Variants in NRG2 observed in about 807,000 individuals in gnomAD.
NRG2 encodes neuregulin 2.
NRG2 carries 27 observed loss-of-function variants against 73.9 expected under a neutral mutation model. That is an observed-to-expected ratio of 0.37 (90% CI 0.27 to 0.50). The LOEUF (loss-of-function observed/expected upper bound fraction) is 0.50, where lower values mean the gene tolerates loss of function less well. Among genes scored for constraint, NRG2 ranks in the 20% least tolerant of loss-of-function variants. The probability of loss-of-function intolerance (pLI) is 0.96; values close to 1 mark genes in which losing one functional copy is unlikely to be tolerated. For synonymous variants in NRG2, 532 were observed against 541.0 expected (o/e 0.98, Z 0.23); for missense variants, 1,126 against 1,210.1 (o/e 0.93, Z 1.03).
chr5:140,042,611 G>A lies in NRG2; in HGVS notation c.459C>T (p.Pro153=). 6.2e-7 allele frequency: 1 copy of A among 1,610,648 alleles called. No homozygotes were observed. Among genetic ancestry groups the A allele is most frequent in the Non-Finnish European group, 8.5e-7 (1 of 1,179,122 alleles). ...TTACCAACGCCACCCGACCCGAGGC[G>A]GGCGGCTCTCGGGTGCTGTTGGAGC... The part of the protein sequence containing the change: ...GSSSNSTREP[P]ASGRVALVKV... Residue 153 remains proline (P), a synonymous_variant, in exon 1 of 10, where the codon CCC becomes CCT. Transcript: ENST00000361474.
In NRG2 at chr5:139,848,708, A is replaced by G; in HGVS notation, c.1773-11T>C. Reference sequence around the variant, plus strand: ...AGGGCCGACACGTACCTGCGGGGAGAGGCAGAGGCATGGGCCAGGGCCAGG... The same window carrying G: ...AGGGCCGACACGTACCTGCGGGGAGGGGCAGAGGCATGGGCCAGGGCCAGG... On this transcript the variant is annotated splice_polypyrimidine_tract_variant and intron_variant, in intron 9 of 9. Coordinates refer to ENST00000361474, the MANE Select transcript of NRG2 (RefSeq NM_004883.3). 1 of 1,265,168 alleles carries G rather than the reference A, an allele frequency of 7.9e-7. No homozygotes were observed. Among genetic ancestry groups the G allele is most frequent in the Non-Finnish European group, 1.0e-6 (1 of 988,500 alleles). The allele number at this position is 1,265,168 out of a possible 1,614,324, so 78.4% of individuals were successfully genotyped here. A position where few individuals can be genotyped will look rare whatever the true frequency, so the allele number is the denominator to read the frequency against.
intron 1 of NRG2, among the ~76,000 whole-genome samples, chr5:139,921,337 T>C (rs1469942973): frequency 6.6e-6 from 1 of 152,220 alleles, no homozygotes; most frequent in East Asian, 1.9e-4. Context: ...CTGCCTGACT[T>C]TGAGGCTTTC....
chr5:139,886,759 T>A (rs917486668), intron 2 of NRG2, among the ~76,000 whole-genome samples: 8 of 152,212 alleles, frequency 5.3e-5, no homozygotes, highest in African/African-American at 1.9e-4. Flanking sequence ...AGGGAACTTC[T>A]CTGATTCACT....
intron 1 of NRG2, among the ~76,000 whole-genome samples, chr5:139,945,113 G>A (rs1753711987): frequency 1.3e-5 from 2 of 151,788 alleles, no homozygotes; most frequent in Admixed American, 6.6e-5. Flanking sequence ...ATGTTTTCCT[G>A]CTGTTGAGGT....
intron 1 of NRG2, among the ~76,000 whole-genome samples, chr5:139,952,901 G>A (rs563093145): frequency 6.6e-6 from 1 of 152,318 alleles, no homozygotes; most frequent in Non-Finnish European, 1.5e-5. Context: ...CCAGATGTGC[G>A]CCGGCCAGAT....
chr5:139,886,753 A>G (rs992876222), intron 2 of NRG2, among the ~76,000 whole-genome samples: 3 of 152,184 alleles, frequency 2.0e-5, no homozygotes, highest in Non-Finnish European at 4.4e-5. Flanking sequence ...AGACTCAGGG[A>G]ACTTCTCTGA....
intron 5 of NRG2, among the ~76,000 whole-genome samples, chr5:139,862,239 C>T (rs1205916271): frequency 6.6e-6 from 1 of 152,178 alleles, no homozygotes; most frequent in African/African-American, 2.4e-5. Context: ...TTCTAGGGCT[C>T]CTAACTGGCC....
rs568293018 is a variant in NRG2 at position 139,980,211 on chromosome 5, G to A, written c.700+62159C>T. Among the ~76,000 whole-genome samples, 4 of 152,274 alleles carry A rather than the reference G, an allele frequency of 2.6e-5. No individual in the cohort carries two copies. The East Asian group carries it at 7.7e-4, about 29-fold the overall frequency. ...AACAGCTCAGCAGTCCTGGGGGCCAGGGACACACAGGTGAGGCAGCCCAGC... is the reference window on the plus strand; with the variant it reads ...AACAGCTCAGCAGTCCTGGGGGCCAAGGACACACAGGTGAGGCAGCCCAGC... On this transcript the variant is annotated intron_variant, in intron 1 of 9. Transcript: ENST00000361474.
intron 1 of NRG2, among the ~76,000 whole-genome samples, chr5:139,925,631 G>C (rs142935540): frequency 2.0e-5 from 3 of 152,298 alleles, no homozygotes; most frequent in Non-Finnish European, 1.5e-5. Context: ...TAGCCCCCAG[G>C]AGTAAAACAG....
rs748855787 is a variant in NRG2 at position 139,880,931 on chromosome 5, C to T, written c.916G>A (p.Ala306Thr). The T allele has an allele frequency of 1.3e-5, 21 of 1,614,180 alleles. No homozygotes were observed. Among genetic ancestry groups the T allele is most frequent in the East Asian group, 4.5e-5 (2 of 44,880 alleles). ...LQFNKVKVEDAGEYVCEAENI... is the reference protein window; with the variant it reads ...LQFNKVKVEDTGEYVCEAENI... ...TCGGCCTCGCAGACATACTCCCCAG[C>T]GTCCTCCACCTTCACCTTGTTGAAC... The change falls in exon 3 of 10, where the codon GCT (alanine) becomes ACT (threonine). Residue 306 changes from alanine to threonine, a missense_variant. Physicochemically the swap from Ala to Thr is moderately conservative, Grantham distance 58 (BLOSUM62 0). Coordinates refer to ENST00000361474, the MANE Select transcript of NRG2 (RefSeq NM_004883.3).
At chr5:139,922,831 T>C (rs1561682089) in intron 1 of NRG2, among the ~76,000 whole-genome samples, 1 of 152,288 alleles carries the variant, frequency 6.6e-6, no homozygotes, top group Middle Eastern at 3.4e-3. Context: ...TGTATATTAC[T>C]AAGTGAAGGA....
chr5:139,892,712 T>C (rs1032399204), intron 1 of NRG2, among the ~76,000 whole-genome samples: 1 of 152,140 alleles, frequency 6.6e-6, no homozygotes, highest in Non-Finnish European at 1.5e-5. Context: ...GGAACAGGCT[T>C]CCTGGGATGC....
rs1442726660 is a variant in NRG2, at chr5:139,887,447, C to T, written c.765G>A (p.Leu255=). 6.2e-7 allele frequency: 1 copy of T among 1,614,234 alleles called. No homozygotes were observed. Among genetic ancestry groups the T allele is most frequent in the Admixed American group, 1.7e-5 (1 of 60,028 alleles). ...QTGQVGEKQS[L]KCEAAAGNPQ... ...GATTACCGGCTGCTGCCTCACACTT[C>T]AGCGATTGCTTCTCACCCACCTGTC... The change falls in exon 2 of 10, where the codon CTG becomes CTA. Residue 255 remains leucine (L), a synonymous_variant. Coordinates refer to ENST00000361474, the MANE Select transcript of NRG2 (RefSeq NM_004883.3). The surrounding 1 kb of genome is among the most constrained non-coding windows in gnomAD (Gnocchi z 4.5).
At chr5:139,864,985 T>C (rs1463698110) in intron 5 of NRG2, 4 of 816,156 alleles carry the variant, frequency 4.9e-6, no homozygotes, top group Non-Finnish European at 8.6e-6. Flanking sequence ...CGGGGGTGTT[T>C]CCGTCTCCTC....
intron 1 of NRG2, among the ~76,000 whole-genome samples, chr5:140,005,664 G>A (rs1378971826): frequency 1.3e-5 from 2 of 152,224 alleles, no homozygotes; most frequent in East Asian, 3.8e-4. Flanking sequence ...ACTGCATGGA[G>A]CCAATACCTC....
At chr5:139,923,761 G>A (rs1438673348) in intron 1 of NRG2, among the ~76,000 whole-genome samples, 1 of 152,102 alleles carries the variant, frequency 6.6e-6, no homozygotes, top group Admixed American at 6.5e-5. Flanking sequence ...ACAAATGAGA[G>A]ATGAAGAAAA....
chr5:139,993,178 G>C (rs1757766873), intron 1 of NRG2, among the ~76,000 whole-genome samples: 1 of 152,008 alleles, frequency 6.6e-6, no homozygotes, highest in African/African-American at 2.4e-5. Context: ...CCTTTAGGGA[G>C]AACAGTCCTC....
At position 139,848,370 on chromosome 5, in the gene NRG2, C is replaced by G. The variant is rs1761157311; in HGVS notation, c.2100G>C (p.Leu700=). Reference sequence around the variant, plus strand: ...CGGGGATGCGGAAGGGGCTGGCAGGCAGGCTGCCCAGGCTGCCGCCGAGCG... The same window carrying G: ...CGGGGATGCGGAAGGGGCTGGCAGGGAGGCTGCCCAGGCTGCCGCCGAGCG... The part of the protein sequence containing the change: ...TCALGGSLGS[L]PASPFRIPED... Residue 700 remains leucine (L), a synonymous_variant, in exon 10 of 10, where the codon CTG becomes CTC. Transcript: ENST00000361474. The G allele has an allele frequency of 2.4e-6, 3 of 1,240,472 alleles. No homozygotes were observed. The highest frequency in any genetic ancestry group is 3.2e-5 in the African/African-American group (2 of 63,124). 76.8% of individuals were successfully genotyped at this position (1,240,472 alleles called of 1,614,324 possible). A position where few individuals can be genotyped will look rare whatever the true frequency, so the allele number is the denominator to read the frequency against.
At chr5:139,864,884 G>A (rs1762382938) in intron 5 of NRG2, 6 of 597,056 alleles carry the variant, frequency 1.0e-5, no homozygotes, top group Non-Finnish European at 1.8e-5. Flanking sequence ...CAGAAGTTGG[G>A]AGGAGGCCTG....
Sources: allele counts gnomAD v4.1 joint callset (sites outside exome capture counted in the v4.1 genomes callset), GRCh38; gene constraint gnomAD v4.1.1; non-coding constraint Gnocchi (gnomAD v3.1); transcripts MANE v1.5; gene names NCBI Gene and HGNC (gene_info 2026-07-23, HGNC 2026-07-21).